MRPS27: variants seen among roughly 807,000 people sequenced by gnomAD.
MRPS27 encodes the protein mitochondrial ribosomal protein S27.
Under a neutral mutation model 48.9 loss-of-function variants are expected in MRPS27, and 43 were observed. The observed-to-expected ratio is 0.88, with a 90% CI of 0.69 to 1.13. The LOEUF (loss-of-function observed/expected upper bound fraction) is 1.13, where lower values mean the gene tolerates loss of function less well. MRPS27 is among the 50% of genes most tolerant of loss of function. MRPS27 has a pLI of 0.00. For synonymous variants in MRPS27, 188 were observed against 171.9 expected, an observed-to-expected ratio of 1.09 and a Z score of -0.73; for missense variants, 467 against 476.3, an observed-to-expected ratio of 0.98 and a Z score of 0.18.
chr5:72,308,170 C>G lies in MRPS27; in HGVS notation c.151+5911G>C, dbSNP rs1750329535. ...CCGGCGCTGGGAAACTGCCCTCACG[C>G]TAGGGCCCTCCCCGAGGAGCTCTCT... On this transcript the variant is annotated intron_variant, in intron 2 of 10. Coordinates refer to ENST00000261413, the MANE Select transcript of MRPS27 (RefSeq NM_015084.3). Among the ~76,000 whole-genome samples the G allele has an allele frequency of 3.9e-5, 6 of 152,208 alleles. No homozygotes were observed. The South Asian group carries it at 1.2e-3, about 31-fold the overall frequency.
intron 4 of MRPS27, among the ~76,000 whole-genome samples, 179 bp from the exon 5 acceptor site, chr5:72,238,307 AAAGAG>A (rs1365522331): frequency 6.6e-6 from 1 of 151,934 alleles, no homozygotes; most frequent in African/African-American, 2.4e-5. Context: ...CTGAAATGGT[AAAGAG>A]AAGGCAAACT....
At chr5:72,274,776 G>A (rs919902092) in intron 4 of MRPS27, among the ~76,000 whole-genome samples, 2 of 152,260 alleles carry the variant, frequency 1.3e-5, no homozygotes, top group African/African-American at 2.4e-5. Flanking sequence ...AGTTTGCTAC[G>A]ATGTTATAAT....
At chr5:72,316,437 G>T (rs1750565762) in intron 1 of MRPS27, among the ~76,000 whole-genome samples, 1 of 152,084 alleles carries the variant, frequency 6.6e-6, no homozygotes, top group Admixed American at 6.6e-5. Context: ...GTGTGATCTT[G>T]GCTCACTGCA....
chr5:72,310,359 C>T (rs1340009086), intron 2 of MRPS27, among the ~76,000 whole-genome samples: 1 of 151,406 alleles, frequency 6.6e-6, no homozygotes, highest in Non-Finnish European at 1.5e-5. Flanking sequence ...ACACAGTGAG[C>T]CTGAAACACC....
chr5:72,246,157 C>T (rs1375483376), intron 4 of MRPS27, among the ~76,000 whole-genome samples: 1 of 152,162 alleles, frequency 6.6e-6, no homozygotes, highest in Non-Finnish European at 1.5e-5. Flanking sequence ...ACTCGGCCTG[C>T]TAAGACTGCA....
chr5:72,319,537 C>CTTTTTTTTTTTTTTTTTT (rs35020848), intron 1 of MRPS27, among the ~76,000 whole-genome samples: 1 of 84,204 alleles, frequency 1.2e-5, no homozygotes, highest in Non-Finnish European at 2.2e-5. Flanking sequence ...TAGGTTTTTC[C>CTTTTTTTTTTTTTTTTTT]TTTTTTTTTT....
chr5:72,235,465 C>A (rs1047461074), intron 5 of MRPS27, among the ~76,000 whole-genome samples: 3 of 152,104 alleles, frequency 2.0e-5, no homozygotes, highest in South Asian at 2.1e-4. Flanking sequence ...ATAGGACGTA[C>A]AACATCAAGA....
intron 4 of MRPS27, among the ~76,000 whole-genome samples, chr5:72,259,100 C>A (rs201184616): frequency 4.5e-4 from 69 of 152,250 alleles, no homozygotes; most frequent in African/African-American, 1.6e-3. Flanking sequence ...CACCCCCCAT[C>A]CAGAAAACTC....
chr5:72,233,587 C>A (rs768433282), intron 6 of MRPS27, among the ~76,000 whole-genome samples: 1 of 152,044 alleles, frequency 6.6e-6, no homozygotes, highest in African/African-American at 2.4e-5. Flanking sequence ...TGAGGCCACA[C>A]GCATGGATTT....
chr5:72,223,917 C>A, intron 9 of MRPS27, 67 bp from the exon 10 acceptor site: 1 of 1,501,852 alleles, frequency 6.7e-7, no homozygotes, highest in Non-Finnish European at 9.0e-7. Context: ...TGAAGAAAGG[C>A]TAGAGAAGGC....
rs192721478 is a variant in MRPS27, at chr5:72,274,093, T to C, written c.281+21438A>G. On this transcript the variant is annotated intron_variant, in intron 4 of 10. Transcript: ENST00000261413. ...CACAGGCCAGGCACAGTGGCTCACGTCTATAATCCCAGCACTTTAGGAGGC... is the reference window on the plus strand; with the variant it reads ...CACAGGCCAGGCACAGTGGCTCACGCCTATAATCCCAGCACTTTAGGAGGC... Among the ~76,000 whole-genome samples, 568 of 152,120 alleles carry C rather than the reference T, an allele frequency of 3.7e-3. 1 individual carries two copies. Among genetic ancestry groups the C allele is most frequent in the African/African-American group, 0.013 (552 of 41,492 alleles).
intron 4 of MRPS27, among the ~76,000 whole-genome samples, chr5:72,276,802 C>T (rs766221989): frequency 3.3e-5 from 5 of 151,902 alleles, no homozygotes; most frequent in Non-Finnish European, 7.4e-5. Context: ...GAGGCCGAGG[C>T]GGGTGGATCA....
intron 4 of MRPS27, among the ~76,000 whole-genome samples, chr5:72,263,000 T>C (rs1749023043): frequency 6.6e-6 from 1 of 152,136 alleles, no homozygotes; most frequent in Non-Finnish European, 1.5e-5. Context: ...CTCTATTTAG[T>C]ACAATTATTT....
Position 72,289,854 on chromosome 5 carries a change from G to A in MRPS27, c.281+5677C>T, listed in dbSNP as rs189130982. On this transcript the variant is annotated intron_variant, in intron 4 of 10. Coordinates refer to ENST00000261413, the MANE Select transcript of MRPS27 (RefSeq NM_015084.3). The stretch of plus-strand genomic sequence containing the variant: ...TATTGACACCCGGATAGTAGAAGGA[G>A]CAAGTTTAATTTCATACATCTCTAA... Among the ~76,000 whole-genome samples the A allele has an allele frequency of 3.2e-3, 488 of 152,276 alleles. 3 individuals are homozygous for A. Among genetic ancestry groups the A allele is most frequent in the Non-Finnish European group, 3.5e-3 (241 of 68,032 alleles).
intron 4 of MRPS27, among the ~76,000 whole-genome samples, chr5:72,244,688 TG>T (rs10711484): frequency 0.16 from 24,221 of 151,344 alleles, 4,999 homozygotes; most frequent in African/African-American, 0.49. Flanking sequence ...AATTTTTTTT[TG>T]TTTTTTTAAG....
chr5:72,264,281 T>G (rs1405538887), intron 4 of MRPS27, among the ~76,000 whole-genome samples: 2 of 152,224 alleles, frequency 1.3e-5, no homozygotes, highest in Non-Finnish European at 2.9e-5. Context: ...GCTTTCCTTT[T>G]GGGGTAATAA....
At chr5:72,297,746 AT>A in intron 2 of MRPS27, 44 bp from the exon 3 acceptor site, 1 of 1,313,394 alleles carries the variant, frequency 7.6e-7, no homozygotes. Context: ...AAAGATACAT[AT>A]TTTTTTACAA....
chr5:72,306,376 G>A (rs1561363414), intron 2 of MRPS27, among the ~76,000 whole-genome samples: 1 of 152,200 alleles, frequency 6.6e-6, no homozygotes, highest in African/African-American at 2.4e-5. Context: ...CACTTACTAT[G>A]AAGTATTTAT....
chr5:72,285,148 T>C (rs978537389), intron 4 of MRPS27, among the ~76,000 whole-genome samples: 3 of 152,210 alleles, frequency 2.0e-5, no homozygotes, highest in African/African-American at 7.2e-5. Flanking sequence ...CTCTCTAATC[T>C]GCCTTCCTTA....
Sources: gnomAD v4.1 joint callset for allele counts (sites outside exome capture counted in the v4.1 genomes callset) on GRCh38, gnomAD v4.1.1 for gene constraint, MANE v1.5 for transcripts, NCBI Gene and HGNC (gene_info 2026-07-23, HGNC 2026-07-21) for gene names.